PLS3: variants seen among roughly 807,000 people sequenced by gnomAD.
The protein encoded by PLS3 is plastin 3, also known as plastin-3.
PLS3 carries 11 observed loss-of-function variants against 46.5 expected under a neutral mutation model. The ratio of observed to expected loss-of-function variants is 0.24; its 90% confidence interval spans 0.15 to 0.39. PLS3 has a LOEUF of 0.39. PLS3 is among the 10% of genes least tolerant of loss of function. The pLI is 1.00. For missense variants in PLS3, 308 were observed against 461.8 expected (o/e 0.67, Z 3.05); for synonymous variants, 167 against 162.2 (o/e 1.03, Z -0.22).
intron 1 of PLS3, among the ~76,000 whole-genome samples, chrX:115,602,911 A>G (rs782775338): frequency 1.8e-5 from 2 of 110,319 alleles, no homozygotes; most frequent in African/African-American, 3.3e-5. Flanking sequence ...TTACCCCCAG[A>G]TGAGTTTCCC....
At chrX:115,595,034 A>G (rs1336112464) in intron 1 of PLS3, among the ~76,000 whole-genome samples, 1 of 111,687 alleles carries the variant, frequency 9.0e-6, no homozygotes, top group Non-Finnish European at 1.9e-5. Context: ...AAGGGCTTTT[A>G]GACTATAATT....
intron 7 of PLS3, among the ~76,000 whole-genome samples, chrX:115,635,545 G>A (rs1376764010): frequency 3.8e-5 from 4 of 106,624 alleles, no homozygotes; most frequent in Non-Finnish European, 7.7e-5. Context: ...CAGCTTCTCC[G>A]GAGGCTGAGG....
intron 5 of PLS3, among the ~76,000 whole-genome samples, chrX:115,630,762 TAC>T (rs1309370029): frequency 2.2e-5 from 2 of 91,848 alleles, no homozygotes; most frequent in African/African-American, 8.8e-5. Flanking sequence ...ATATATTTTA[TAC>T]ACATATATAC....
intron 4 of PLS3, 41 bp downstream of exon 4, chrX:115,629,368 G>A (rs782519143): frequency 2.6e-5 from 29 of 1,106,098 alleles, no homozygotes; most frequent in African/African-American, 1.6e-4. Flanking sequence ...AATGTGCTAA[G>A]TGGGATGGTT....
intron 1 of PLS3, among the ~76,000 whole-genome samples, chrX:115,567,490 C>G (rs782273324): frequency 8.2e-5 from 9 of 109,989 alleles, no homozygotes; most frequent in African/African-American, 3.0e-4. Flanking sequence ...ACCCAAGAGG[C>G]TGAGGTGGGA....
At chrX:115,610,763 T>A in intron 2 of PLS3, 1 of 556,818 alleles carries the variant, frequency 1.8e-6, no homozygotes. Flanking sequence ...TTGGCGTTAT[T>A]GACTTTTTTA....
At chrX:115,565,470 C>T (rs2074166424) in intron 1 of PLS3, among the ~76,000 whole-genome samples, 1 of 111,026 alleles carries the variant, frequency 9.0e-6, no homozygotes, top group South Asian at 3.8e-4. Flanking sequence ...AGTGCTCTGC[C>T]ATTGACTCAT....
chrX:115,564,956 T>A (rs1311495635), intron 1 of PLS3, among the ~76,000 whole-genome samples: 1 of 112,168 alleles, frequency 8.9e-6, no homozygotes, highest in Non-Finnish European at 1.9e-5. Flanking sequence ...ACAACTCATT[T>A]AGAAGAAGTC....
chrX:115,625,340 G>A (rs1213344091), intron 3 of PLS3, among the ~76,000 whole-genome samples: 6 of 109,782 alleles, frequency 5.5e-5, no homozygotes, highest in African/African-American at 2.0e-4. Flanking sequence ...TGTGTGTATG[G>A]CAAAAAACAG....
intron 3 of PLS3, among the ~76,000 whole-genome samples, chrX:115,626,319 T>C (rs1232958976): frequency 1.8e-5 from 2 of 109,220 alleles, no homozygotes; most frequent in East Asian, 5.7e-4. Context: ...AGTTTCACTC[T>C]TGTTGCCTAG....
At chrX:115,613,464 A>G (rs909837007) in intron 2 of PLS3, among the ~76,000 whole-genome samples, 3 of 112,141 alleles carry the variant, frequency 2.7e-5, no homozygotes, top group African/African-American at 9.7e-5. Flanking sequence ...TCAGTATTCA[A>G]TAAAAGAACA....
chrX:115,590,126 G>T (rs1431010749), intron 1 of PLS3, among the ~76,000 whole-genome samples: 1 of 111,693 alleles, frequency 9.0e-6, no homozygotes, highest in African/African-American at 3.3e-5. Flanking sequence ...AAAGTGCTGG[G>T]ATTACAGGCC....
Position 115,649,456 on chromosome X carries a change from C to T in PLS3, c.1788C>T (p.Ile596=), listed in dbSNP as rs781862789. Residue 596 remains isoleucine, a synonymous_variant, in exon 16 of 16, where the codon ATC becomes ATT. Transcript: ENST00000355899. ...ATGCAGTGTCAATGGCTAGAAGAATCGGAGCCAGAGTGTATGCTCTCCCTG... is the reference window on the plus strand; with the variant it reads ...ATGCAGTGTCAATGGCTAGAAGAATTGGAGCCAGAGTGTATGCTCTCCCTG... The part of the protein sequence containing the change: ...AKYAVSMARR[I]GARVYALPED... 6.6e-6 allele frequency: 8 copies of T among 1,203,204 alleles called. No homozygotes were observed. In the African/African-American group the frequency reaches 6.9e-5, roughly 10 times the overall value.
At chrX:115,641,292 G>A (rs2074893524) in intron 9 of PLS3, among the ~76,000 whole-genome samples, 1 of 97,421 alleles carries the variant, frequency 1.0e-5, no homozygotes, top group Admixed American at 1.2e-4. Context: ...CAGTGGCACC[G>A]TGTCGGCTCA....
intron 12 of PLS3, 63 bp downstream of exon 12, chrX:115,646,249 GT>G (rs2074950296): frequency 2.3e-6 from 2 of 885,922 alleles, no homozygotes; most frequent in Non-Finnish European, 3.2e-6. Context: ...AATTTCTTTT[GT>G]TTCTAAAACT....
At chrX:115,591,007 C>G (rs1366700765) in intron 1 of PLS3, among the ~76,000 whole-genome samples, 1 of 109,518 alleles carries the variant, frequency 9.1e-6, no homozygotes, top group Non-Finnish European at 1.9e-5. Context: ...GGCGTGGTGG[C>G]GGGTGCTTGT....
intron 1 of PLS3, among the ~76,000 whole-genome samples, chrX:115,600,439 T>C (rs2074431908): frequency 8.9e-6 from 1 of 111,866 alleles, no homozygotes; most frequent in African/African-American, 3.2e-5. Context: ...AGTTGGTATA[T>C]TTTGTAAACC....
intron 9 of PLS3, among the ~76,000 whole-genome samples, chrX:115,641,349 T>G (rs1454229613): frequency 3.8e-5 from 4 of 104,444 alleles, no homozygotes; most frequent in Non-Finnish European, 7.8e-5. Context: ...TGCCTCAGCC[T>G]CCCGAGTAGC....
intron 3 of PLS3, among the ~76,000 whole-genome samples, chrX:115,623,075 G>A (rs905873406): frequency 3.6e-5 from 4 of 111,613 alleles, no homozygotes; most frequent in Admixed American, 1.9e-4. Flanking sequence ...CCTGGAAAAT[G>A]TATACATGGC....
Sources: gnomAD v4.1 joint callset for allele counts (sites outside exome capture counted in the v4.1 genomes callset) on GRCh38, gnomAD v4.1.1 for gene constraint, MANE v1.5 for transcripts, NCBI Gene and HGNC (gene_info 2026-07-23, HGNC 2026-07-21) for gene names.